The following DMD variants were observed in gnomAD, a reference collection of about 807,000 sequenced individuals.
DMD encodes the protein dystrophin.
DMD carries 63 observed loss-of-function variants against 330.1 expected under a neutral mutation model. The ratio of observed to expected loss-of-function variants is 0.19; its 90% confidence interval spans 0.16 to 0.24. DMD has a LOEUF of 0.24. DMD is among the 10% of genes least tolerant of loss of function. DMD has a pLI of 1.00. For missense variants in DMD, 3,344 were observed against 2,684.1 expected, an observed-to-expected ratio of 1.25 and a Z score of -5.43; for synonymous variants, 1,223 against 959.8, an observed-to-expected ratio of 1.27 and a Z score of -5.07.
At chrX:31,315,831 A>G (rs1006823088) in intron 62 of DMD, among the ~76,000 whole-genome samples, 3 of 112,292 alleles carry the variant, frequency 2.7e-5, no homozygotes, top group African/African-American at 9.7e-5. Context: ...GTTAAGACTC[A>G]GTGGCTACTA....
chrX:33,183,859 T>C (rs776519529), intron 1 of DMD, among the ~76,000 whole-genome samples: 17 of 110,909 alleles, frequency 1.5e-4, no homozygotes, highest in African/African-American at 5.6e-4. Flanking sequence ...GCAGTGTGGG[T>C]TTAATTTGTT....
chrX:31,529,946 T>A (rs1353256711), intron 55 of DMD, among the ~76,000 whole-genome samples: 7 of 110,674 alleles, frequency 6.3e-5, no homozygotes, highest in Non-Finnish European at 1.3e-4. Context: ...ACATCTATTG[T>A]GTATTATCTG....
chrX:33,325,373 A>G (rs2054074323), intron 1 of DMD, among the ~76,000 whole-genome samples: 1 of 112,062 alleles, frequency 8.9e-6, no homozygotes, highest in Non-Finnish European at 1.9e-5. Context: ...GAGAAGATTT[A>G]GGAGATTATA....
At chrX:32,532,660 G>A (rs564963020) in intron 17 of DMD, among the ~76,000 whole-genome samples, 3 of 112,497 alleles carry the variant, frequency 2.7e-5, no homozygotes, top group African/African-American at 9.7e-5. Flanking sequence ...ATTAGCTATT[G>A]TTATTAATAT....
At chrX:31,723,828 C>T (rs781509603) in intron 52 of DMD, among the ~76,000 whole-genome samples, 1 of 111,547 alleles carries the variant, frequency 9.0e-6, no homozygotes, top group East Asian at 2.8e-4. Context: ...TGGAAGCATT[C>T]CACTAAGCCC....
At chrX:31,883,547 G>A (rs1196527392) in intron 47 of DMD, among the ~76,000 whole-genome samples, 1 of 111,164 alleles carries the variant, frequency 9.0e-6, no homozygotes, top group Non-Finnish European at 1.9e-5. Context: ...ACTCCAAAAT[G>A]CTACTTCTAT....
rs187675064 is a variant in DMD at position 32,503,676 on chromosome X, C to T, written c.2293-1834G>A. Among the ~76,000 whole-genome samples the T allele has an allele frequency of 4.2e-4, 47 of 110,763 alleles. No individual in the cohort carries two copies. The East Asian group carries it at 0.012, about 29-fold the overall frequency. Reference sequence around the variant, plus strand: ...GTTCAAGCAACTCTCCTGCTTCAGCCTCCCGAGTAGCCGGGATTACAGGCG... The same window carrying T: ...GTTCAAGCAACTCTCCTGCTTCAGCTTCCCGAGTAGCCGGGATTACAGGCG... On this transcript the variant is annotated intron_variant, in intron 18 of 78. Coordinates refer to ENST00000357033, the MANE Select transcript of DMD (RefSeq NM_004006.3).
intron 21 of DMD, among the ~76,000 whole-genome samples, chrX:32,476,424 T>A (rs1052572135): frequency 2.7e-5 from 3 of 111,830 alleles, no homozygotes; most frequent in Admixed American, 9.5e-5. Flanking sequence ...TGGAAATTCT[T>A]TTGTAGCTTT....
At chrX:32,419,473 T>G (rs754561997) in intron 29 of DMD, among the ~76,000 whole-genome samples, 3 of 112,524 alleles carry the variant, frequency 2.7e-5, no homozygotes, top group Admixed American at 9.4e-5. Flanking sequence ...TGGTTTTTCC[T>G]GTGGCATATT....
chrX:32,500,056 C>A (rs1167588825), intron 19 of DMD, among the ~76,000 whole-genome samples: 1 of 110,623 alleles, frequency 9.0e-6, no homozygotes, highest in Non-Finnish European at 1.9e-5. Context: ...TCGACCATAT[C>A]TTTACTGGTA....
intron 2 of DMD, among the ~76,000 whole-genome samples, chrX:32,941,329 T>C (rs142744539): frequency 0.026 from 2,878 of 111,904 alleles, 33 homozygotes; most frequent in South Asian, 0.078. Flanking sequence ...AAAATTGTTT[T>C]AACATAAAGA....
At chrX:33,269,106 T>C (rs1170423695) in intron 1 of DMD, among the ~76,000 whole-genome samples, 2 of 110,226 alleles carry the variant, frequency 1.8e-5, no homozygotes, top group South Asian at 3.9e-4. Context: ...CAAAGGAAAA[T>C]AGATCATTTT....
intron 51 of DMD, among the ~76,000 whole-genome samples, chrX:31,751,651 G>T (rs182060344): frequency 9.0e-6 from 1 of 111,486 alleles, no homozygotes; most frequent in East Asian, 2.8e-4. Context: ...AAAACGGAGT[G>T]GACCATGACA....
intron 18 of DMD, among the ~76,000 whole-genome samples, chrX:32,510,969 CCTCT>C (rs923648940): frequency 9.1e-5 from 10 of 109,824 alleles, no homozygotes; most frequent in Middle Eastern, 4.3e-3. Flanking sequence ...TCTTCCACCT[CCTCT>C]CTCTATGTGT....
chrX:32,868,152 G>A (rs1405647080), intron 2 of DMD, among the ~76,000 whole-genome samples: 1 of 111,911 alleles, frequency 8.9e-6, no homozygotes, highest in Non-Finnish European at 1.9e-5. Flanking sequence ...CCAGCCAAGG[G>A]AGGTAGTGAG....
At chrX:31,965,728 T>A (rs993665936) in intron 45 of DMD, among the ~76,000 whole-genome samples, 3 of 111,651 alleles carry the variant, frequency 2.7e-5, no homozygotes, top group African/African-American at 9.7e-5. Flanking sequence ...CAAAGACAGT[T>A]TTGGTGGCTA....
At chrX:32,524,640 T>A (rs1170774007) in intron 17 of DMD, among the ~76,000 whole-genome samples, 1 of 112,396 alleles carries the variant, frequency 8.9e-6, no homozygotes, top group African/African-American at 3.2e-5. Flanking sequence ...CCATGGTAAC[T>A]GTCTGTTTGC....
intron 44 of DMD, among the ~76,000 whole-genome samples, chrX:32,128,141 C>G (rs2096670841): frequency 8.9e-6 from 1 of 111,975 alleles, no homozygotes; most frequent in African/African-American, 3.2e-5. Context: ...CACTGTAAAA[C>G]AAGTAAAATT....
intron 7 of DMD, among the ~76,000 whole-genome samples, chrX:32,740,173 A>G (rs758069226): frequency 9.1e-6 from 1 of 109,654 alleles, no homozygotes; most frequent in East Asian, 2.9e-4. Flanking sequence ...TATTGAGATG[A>G]CCCTTCTCTC....
Sources: gnomAD v4.1 joint callset for allele counts (sites outside exome capture counted in the v4.1 genomes callset) on GRCh38, gnomAD v4.1.1 for gene constraint, MANE v1.5 for transcripts, NCBI Gene and HGNC (gene_info 2026-07-23, HGNC 2026-07-21) for gene names.